The following TDRD9 variants were observed in gnomAD, a reference collection of about 807,000 sequenced individuals.
The protein encoded by TDRD9 is ATP-dependent RNA helicase TDRD9.
Under a neutral mutation model 172.6 loss-of-function variants are expected in TDRD9, and 124 were observed. The observed-to-expected ratio is 0.72, with a 90% CI of 0.62 to 0.83. The LOEUF (loss-of-function observed/expected upper bound fraction) is 0.83. Ranked by LOEUF, TDRD9 falls within the 40% of genes least tolerant of loss-of-function variation. The pLI, the probability that TDRD9 is intolerant of heterozygous loss-of-function variation, is 0.00. For synonymous variants in TDRD9, 619 were observed against 617.1 expected, an observed-to-expected ratio of 1.00 and a Z score of -0.05; for missense variants, 1,479 against 1,714.1, an observed-to-expected ratio of 0.86 and a Z score of 2.42.
intron 1 of TDRD9, among the ~76,000 whole-genome samples, chr14:103,953,343 A>G (rs2032041505): frequency 6.6e-6 from 1 of 152,096 alleles, no homozygotes; most frequent in South Asian, 2.1e-4. Context: ...GTACACTGTT[A>G]TTGTTGAGTG....
At chr14:104,007,413 C>T (rs543224136) in intron 19 of TDRD9, among the ~76,000 whole-genome samples, 36 of 152,280 alleles carry the variant, frequency 2.4e-4, no homozygotes, top group African/African-American at 7.9e-4. Context: ...CTCGGGAGGC[C>T]GCTTGCTCTC....
intron 5 of TDRD9, among the ~76,000 whole-genome samples, chr14:103,970,309 CAG>C (rs2032964129): frequency 6.6e-6 from 1 of 152,260 alleles, no homozygotes; most frequent in Admixed American, 6.5e-5. Context: ...TGCCGTCTCT[CAG>C]GGGGCCCTAA....
intron 5 of TDRD9, among the ~76,000 whole-genome samples, chr14:103,968,742 G>A (rs1245076380): frequency 8.1e-6 from 1 of 122,838 alleles, no homozygotes; most frequent in African/African-American, 3.0e-5. Flanking sequence ...GTTGCAGTGA[G>A]CTGAGATTGC....
rs1386905393 is a variant in TDRD9, at chr14:103,998,627, T to C, written c.1382T>C (p.Ile461Thr). 3.0e-5 allele frequency: 47 copies of C among 1,578,812 alleles called. No individual in the cohort carries two copies. The highest frequency in any genetic ancestry group is 3.8e-5 in the Non-Finnish European group (44 of 1,148,932). The change falls in exon 13 of 36, where the codon ATA (isoleucine) becomes ACA (threonine). Residue 461 changes from isoleucine (I) to threonine (T), a missense_variant. Ile to Thr is a moderately conservative substitution (Grantham distance 89). Transcript: ENST00000409874. Reference sequence around the variant, plus strand: ...AGTCCTTTTTTTTAAATGGCAGTTATAGATTTTTGTTTGACTAGAACTTTG... The same window carrying C: ...AGTCCTTTTTTTTAAATGGCAGTTACAGATTTTTGTTTGACTAGAACTTTG... Reference protein sequence around the residue: ...SVTVPDVKYVIDFCLTRTLVC... With the variant: ...SVTVPDVKYVTDFCLTRTLVC...
At chr14:103,974,167 A>T (rs938559539) in intron 6 of TDRD9, among the ~76,000 whole-genome samples, 28 of 152,142 alleles carry the variant, frequency 1.8e-4, no homozygotes, top group Non-Finnish European at 3.7e-4. Context: ...ACACCACTGC[A>T]CTCCAGCCTG....
At chr14:104,016,537 C>A (rs72714909) in intron 22 of TDRD9, among the ~76,000 whole-genome samples, 50,299 of 152,032 alleles carry the variant, frequency 0.33, 8,503 homozygotes, top group Middle Eastern at 0.37. Context: ...TATTTATATT[C>A]GTTGAAATTC....
intron 23 of TDRD9, 59 bp from the exon 24 acceptor site, chr14:104,022,098 A>G: frequency 7.4e-7 from 1 of 1,348,644 alleles, no homozygotes; most frequent in Non-Finnish European, 1.0e-6. Flanking sequence ...AGAAATGAAT[A>G]TGCAGTTTTT....
At chr14:104,023,631 C>T (rs2035030618) in intron 24 of TDRD9, among the ~76,000 whole-genome samples, 1 of 152,258 alleles carries the variant, frequency 6.6e-6, no homozygotes, top group East Asian at 1.9e-4. Flanking sequence ...TGACAGACTG[C>T]TTGCCTTTTG....
chr14:103,960,990 G>A (rs1259419520), intron 2 of TDRD9, among the ~76,000 whole-genome samples: 1 of 152,060 alleles, frequency 6.6e-6, no homozygotes, highest in Non-Finnish European at 1.5e-5. Flanking sequence ...CTCTTCCTCA[G>A]CTTCTTACTC....
At chr14:103,931,510 A>G (rs746781114) in intron 1 of TDRD9, among the ~76,000 whole-genome samples, 2 of 152,170 alleles carry the variant, frequency 1.3e-5, no homozygotes, top group Non-Finnish European at 2.9e-5. Context: ...AGCTAAATAT[A>G]GCTATATTAT....
chr14:104,024,512 A>G, intron 24 of TDRD9, 57 bp from the exon 25 acceptor site: 1 of 919,088 alleles, frequency 1.1e-6, no homozygotes, highest in Non-Finnish European at 1.7e-6. Flanking sequence ...CACATATGTA[A>G]ATGTGTTTTC....
chr14:104,033,816 G>T, intron 30 of TDRD9, 144 bp from the exon 31 acceptor site: 2 of 618,850 alleles, frequency 3.2e-6, no homozygotes, highest in Non-Finnish European at 6.0e-6. Context: ...AGATGTGCAG[G>T]AGAGTGGGGG....
chr14:104,050,647 C>T (rs1290768446), intron 35 of TDRD9, among the ~76,000 whole-genome samples: 1 of 152,150 alleles, frequency 6.6e-6, no homozygotes, highest in Non-Finnish European at 1.5e-5. Flanking sequence ...TCGCCTGCTC[C>T]CCCTGTGCCC....
At chr14:103,962,523 AGGTT>A (rs2032555559) in intron 2 of TDRD9, among the ~76,000 whole-genome samples, 1 of 152,172 alleles carries the variant, frequency 6.6e-6, no homozygotes, top group Non-Finnish European at 1.5e-5. Context: ...GTGCATGTTC[AGGTT>A]TGTTACAAGA....
intron 20 of TDRD9, among the ~76,000 whole-genome samples, chr14:104,011,751 G>A (rs1353937485): frequency 6.6e-6 from 1 of 152,082 alleles, no homozygotes; most frequent in Non-Finnish European, 1.5e-5. Context: ...GTGTATTTGT[G>A]TACTCTCATT....
At chr14:103,998,008 G>A (rs1566769961) in intron 12 of TDRD9, among the ~76,000 whole-genome samples, 1 of 152,146 alleles carries the variant, frequency 6.6e-6, no homozygotes, top group South Asian at 2.1e-4. Context: ...GTGGCCCAAG[G>A]GAGTGAGTGT....
At chr14:103,963,018 T>C in intron 2 of TDRD9, 61 bp from the exon 3 acceptor site, 2 of 908,312 alleles carry the variant, frequency 2.2e-6, no homozygotes, top group Non-Finnish European at 1.7e-6. Context: ...GATTAGAACA[T>C]TGAGTTATCT....
intron 4 of TDRD9, 56 bp downstream of exon 4, chr14:103,965,610 A>G (rs1168197326): frequency 2.8e-6 from 4 of 1,454,236 alleles, no homozygotes; most frequent in South Asian, 2.5e-5. Flanking sequence ...CTATTCCTTA[A>G]TTTTATTAAG....
chr14:103,995,842 C>G (rs1282051388), intron 12 of TDRD9, 35 bp downstream of exon 12: 7 of 1,552,496 alleles, frequency 4.5e-6, no homozygotes, highest in Non-Finnish European at 6.1e-6. Context: ...CTGGCATTAG[C>G]TGTAGTGCCA....
Sources: gnomAD v4.1 joint callset for allele counts (sites outside exome capture counted in the v4.1 genomes callset) on GRCh38, gnomAD v4.1.1 for gene constraint, MANE v1.5 for transcripts, NCBI Gene and HGNC (gene_info 2026-07-23, HGNC 2026-07-21) for gene names.